The following KCNMA1 variants were observed in gnomAD, a reference collection of about 807,000 sequenced individuals.
The protein encoded by KCNMA1 is potassium calcium-activated channel subfamily M alpha 1.
KCNMA1 carries 29 observed loss-of-function variants against 140.0 expected under a neutral mutation model. That is an observed-to-expected ratio of 0.21 (90% CI 0.15 to 0.28). The LOEUF (loss-of-function observed/expected upper bound fraction) is 0.28, where lower values mean the gene tolerates loss of function less well. Among genes scored for constraint, KCNMA1 ranks in the 10% least tolerant of loss-of-function variants. The probability of loss-of-function intolerance (pLI) is 1.00; values close to 1 mark genes in which losing one functional copy is unlikely to be tolerated. For synonymous variants in KCNMA1, 612 were observed against 611.9 expected (o/e 1.00, Z 0.00); for missense variants, 880 against 1,602.2 (o/e 0.55, Z 7.70).
At chr10:77,034,241 C>T (rs1169334351) in intron 15 of KCNMA1, among the ~76,000 whole-genome samples, 1 of 127,656 alleles carries the variant, frequency 7.8e-6, no homozygotes, top group Non-Finnish European at 1.6e-5. Flanking sequence ...GAGACTCCAT[C>T]TCAAAAAAAA....
At chr10:77,488,646 C>T (rs754648698) in intron 1 of KCNMA1, among the ~76,000 whole-genome samples, 9 of 152,214 alleles carry the variant, frequency 5.9e-5, no homozygotes, top group African/African-American at 1.2e-4. Context: ...TAGGAACAAC[C>T]GCCCAACTCT....
intron 5 of KCNMA1, among the ~76,000 whole-genome samples, chr10:77,146,562 C>T (rs1004923936): frequency 4.6e-5 from 7 of 151,744 alleles, no homozygotes; most frequent in Middle Eastern, 3.2e-3. Flanking sequence ...ATTAGCCAGG[C>T]GTGGTGGCCT....
At chr10:77,208,522 C>T (rs991995397) in intron 3 of KCNMA1, among the ~76,000 whole-genome samples, 1 of 147,748 alleles carries the variant, frequency 6.8e-6, no homozygotes, top group Non-Finnish European at 1.5e-5. Context: ...TTTTAAAAAC[C>T]TGTGCGCAGA....
chr10:77,140,910 C>G (rs994744871), intron 5 of KCNMA1: 2 of 152,214 alleles, frequency 1.3e-5, no homozygotes, highest in African/African-American at 4.8e-5. Flanking sequence ...TTCCTCAAAT[C>G]AAGTGGTATA....
At chr10:77,349,788 T>C (rs1009092583) in intron 2 of KCNMA1, among the ~76,000 whole-genome samples, 5 of 152,198 alleles carry the variant, frequency 3.3e-5, no homozygotes, top group Admixed American at 6.5e-5. Flanking sequence ...CACTCAAACT[T>C]TCCAGGCCCA....
chr10:77,258,441 C>T (rs926361316), intron 2 of KCNMA1, among the ~76,000 whole-genome samples: 6 of 152,180 alleles, frequency 3.9e-5, no homozygotes, highest in African/African-American at 1.4e-4. Context: ...GGTCTCAGCT[C>T]TGCCATCACT....
intron 3 of KCNMA1, among the ~76,000 whole-genome samples, chr10:77,193,401 A>C (rs910315761): frequency 3.9e-5 from 6 of 152,134 alleles, no homozygotes; most frequent in Non-Finnish European, 7.4e-5. Flanking sequence ...TTTAGTTTTC[A>C]CTAAACTGTC....
At chr10:77,524,690 T>C (rs1246312918) in intron 1 of KCNMA1, among the ~76,000 whole-genome samples, 1 of 152,174 alleles carries the variant, frequency 6.6e-6, no homozygotes, top group East Asian at 1.9e-4. Context: ...GCTTTATTGC[T>C]TTATTTAGGG....
At chr10:77,631,045 T>A (rs2093127654) in intron 1 of KCNMA1, among the ~76,000 whole-genome samples, 1 of 135,882 alleles carries the variant, frequency 7.4e-6, no homozygotes, top group Admixed American at 8.9e-5. Flanking sequence ...AGGTTGAAGC[T>A]GCAGTGAGCA....
chr10:76,925,686 T>C (rs2057460995), intron 23 of KCNMA1, among the ~76,000 whole-genome samples: 1 of 152,208 alleles, frequency 6.6e-6, no homozygotes, highest in Non-Finnish European at 1.5e-5. Flanking sequence ...TCAGCATTTG[T>C]CATGTAGTTC....
intron 13 of KCNMA1, 100 bp downstream of exon 13, chr10:77,079,369 AGTGTGTGTGTGT>A (rs68133946): frequency 1.6e-4 from 104 of 662,534 alleles, no homozygotes; most frequent in East Asian, 5.6e-4. Context: ...GGCATGTGAG[AGTGTGTGTGTGT>A]GTGTGTGTGT....
chr10:77,067,492 A>G (rs180713703), intron 14 of KCNMA1, among the ~76,000 whole-genome samples: 2 of 150,760 alleles, frequency 1.3e-5, no homozygotes, highest in East Asian at 3.9e-4. Context: ...TCTCTCTCTC[A>G]CGCATGTGTG....
In KCNMA1 at chr10:76,929,716, A is replaced by G. The variant is rs80311631; in HGVS notation, c.2903-14667T>C. 4.6e-5 allele frequency among the ~76,000 whole-genome samples: 7 copies of G among 152,268 alleles called. No homozygotes were observed. The East Asian group carries it at 1.4e-3, about 29-fold the overall frequency. On this transcript the variant is annotated intron_variant, in intron 23 of 27. Coordinates refer to ENST00000286628, the MANE Select transcript of KCNMA1 (RefSeq NM_001161352.2). ...CAATGCATGCCTGCATCAATGTCTA[A>G]TTTAATTGCTCTGGAGTATGGCCTG... is the stretch of plus-strand genomic sequence containing the variant.
At chr10:77,395,775 G>A (rs903040210) in intron 2 of KCNMA1, among the ~76,000 whole-genome samples, 4 of 152,226 alleles carry the variant, frequency 2.6e-5, no homozygotes, top group South Asian at 2.1e-4. Flanking sequence ...TATGAAATGC[G>A]ATCCTGCTGC....
rs559751766 is a variant in KCNMA1, at chr10:77,471,559, T to C, written c.379-67536A>G. On this transcript the variant is annotated intron_variant, in intron 1 of 27. Coordinates refer to ENST00000286628, the MANE Select transcript of KCNMA1 (RefSeq NM_001161352.2). ...CACACACTACACACACACCATACAC[T>C]GCACACACTCCATACCAAATACCAC... is the stretch of plus-strand genomic sequence containing the variant. Among the ~76,000 whole-genome samples, 12 of 143,722 alleles carry C rather than the reference T, an allele frequency of 8.3e-5. No individual in the cohort carries two copies. The South Asian group carries it at 1.1e-3, about 13-fold the overall frequency. 94.3% of individuals were successfully genotyped at this position (143,722 alleles called of 152,430 possible).
chr10:77,232,284 A>G (rs1439360660), intron 3 of KCNMA1, among the ~76,000 whole-genome samples: 1 of 152,208 alleles, frequency 6.6e-6, no homozygotes, highest in African/African-American at 2.4e-5. Context: ...CTAGGAGTGG[A>G]ATGTACATGT....
chr10:77,108,650 A>T lies in KCNMA1; in HGVS notation c.1132-78T>A. ...GGGGACCTGTTCAGAGGGTGGGGGC[A>T]CTAAGATCTGAAAACACAAAAGGAT... On this transcript the variant is annotated intron_variant, in intron 8 of 27. Transcript: ENST00000286628. The surrounding 1 kb of genome is among the most constrained non-coding windows in gnomAD (Gnocchi z 4.6). The T allele has an allele frequency of 9.5e-7, 1 of 1,048,420 alleles. No individual in the cohort carries two copies. Among genetic ancestry groups the T allele is most frequent in the Non-Finnish European group, 1.5e-6 (1 of 674,266 alleles). The allele number at this position is 1,048,420 out of a possible 1,614,324, so 64.9% of individuals were successfully genotyped here.
At chr10:76,924,635 C>T (rs2152560916) in intron 23 of KCNMA1, among the ~76,000 whole-genome samples, 1 of 152,252 alleles carries the variant, frequency 6.6e-6, no homozygotes, top group Admixed American at 6.5e-5. Context: ...GGTCTTTGAA[C>T]ATCCACTTGA....
chr10:77,471,222 T>G (rs1399817666), intron 1 of KCNMA1, among the ~76,000 whole-genome samples: 2 of 118,858 alleles, frequency 1.7e-5, no homozygotes, highest in Admixed American at 8.4e-5. Flanking sequence ...CAACACACAT[T>G]ACACACATAA....
Sources: gnomAD v4.1 joint callset for allele counts (sites outside exome capture counted in the v4.1 genomes callset) on GRCh38, gnomAD v4.1.1 for gene constraint, Gnocchi (gnomAD v3.1) non-coding constraint, MANE v1.5 for transcripts, NCBI Gene and HGNC (gene_info 2026-07-23, HGNC 2026-07-21) for gene names.